RXFP2: variants seen among roughly 807,000 people sequenced by gnomAD.
RXFP2 encodes relaxin receptor 2.
In RXFP2, 68 loss-of-function variants were observed where a neutral mutation model predicts 88.6. That is an observed-to-expected ratio of 0.77 (90% CI 0.63 to 0.94). The LOEUF (loss-of-function observed/expected upper bound fraction) is 0.94, where lower values mean the gene tolerates loss of function less well. Among genes scored for constraint, RXFP2 ranks in the 40% least tolerant of loss-of-function variants. RXFP2 has a pLI of 0.00. For missense variants in RXFP2, 791 were observed against 893.9 expected (o/e 0.88, Z 1.47); for synonymous variants, 329 against 306.8 (o/e 1.07, Z -0.76).
intron 17 of RXFP2, among the ~76,000 whole-genome samples, chr13:31,798,941 C>T (rs1356434396): frequency 6.6e-6 from 1 of 152,180 alleles, no homozygotes; most frequent in East Asian, 1.9e-4. Flanking sequence ...AATCCAGTTG[C>T]TTAAACATCC....
At chr13:31,739,801 G>T in intron 1 of RXFP2, 95 bp downstream of exon 1, 2 of 799,708 alleles carry the variant, frequency 2.5e-6, no homozygotes, top group South Asian at 1.5e-5. Context: ...ATATTGGGGT[G>T]TTTAAAAAAA....
rs185312830 is a variant in RXFP2, at chr13:31,789,197, C to T, written c.1145+4C>T. On this transcript the variant is annotated splice_donor_region_variant and intron_variant, in intron 14 of 17. Transcript: ENST00000298386. Reference sequence around the variant, plus strand: ...CCATGAAGAATCTTTCTCACATGTACGTATGTATAAAAAATGGAGGAGGAA... The same window carrying T: ...CCATGAAGAATCTTTCTCACATGTATGTATGTATAAAAAATGGAGGAGGAA... 64 of 1,573,462 alleles carry T rather than the reference C, an allele frequency of 4.1e-5. No homozygotes were observed. In the African/African-American group the frequency reaches 4.3e-4, roughly 11 times the overall value.
intron 16 of RXFP2, among the ~76,000 whole-genome samples, chr13:31,793,958 C>T (rs1873910759): frequency 6.6e-6 from 1 of 152,134 alleles, no homozygotes. Context: ...GTCTCGTAAC[C>T]TCTGGGACCT....
rs534097355 is a variant in RXFP2 at position 31,758,149 on chromosome 13, A to G, written c.95-109A>G. Reference sequence around the variant, plus strand: ...TATTCAAAGAAACTGTGCACTAAGAATAATACCAGATGAACTCAACTCATA... The same window carrying G: ...TATTCAAAGAAACTGTGCACTAAGAGTAATACCAGATGAACTCAACTCATA... On this transcript the variant is annotated intron_variant, in intron 1 of 17. Transcript: ENST00000298386. 41 of 1,077,816 alleles carry G rather than the reference A, an allele frequency of 3.8e-5. No homozygotes were observed. The East Asian group carries it at 9.5e-4, about 25-fold the overall frequency. The allele number at this position is 1,077,816 out of a possible 1,614,324, so 66.8% of individuals were successfully genotyped here.
intron 7 of RXFP2, 116 bp downstream of exon 7, chr13:31,775,505 T>A (rs1872908535): frequency 1.2e-6 from 1 of 817,830 alleles, no homozygotes; most frequent in African/African-American, 1.7e-5. Flanking sequence ...GCTTTTCTGA[T>A]TATCATATAA....
At chr13:31,783,641 A>G (rs939553351) in intron 11 of RXFP2, among the ~76,000 whole-genome samples, 2 of 152,228 alleles carry the variant, frequency 1.3e-5, no homozygotes, top group Non-Finnish European at 2.9e-5. Flanking sequence ...CTGCATTAGA[A>G]CTGAAAGTAT....
chr13:31,748,225 G>T (rs928715294), intron 1 of RXFP2, among the ~76,000 whole-genome samples: 1 of 152,182 alleles, frequency 6.6e-6, no homozygotes, highest in Non-Finnish European at 1.5e-5. Context: ...ACATGTGCAT[G>T]AATTTCTATG....
intron 16 of RXFP2, among the ~76,000 whole-genome samples, chr13:31,794,179 A>G (rs920761577): frequency 3.9e-5 from 6 of 152,180 alleles, no homozygotes; most frequent in Admixed American, 6.5e-5. Flanking sequence ...TCTGAAAAAC[A>G]GAACATTTAG....
intron 17 of RXFP2, among the ~76,000 whole-genome samples, chr13:31,801,592 T>G (rs1226894700): frequency 1.3e-5 from 2 of 152,186 alleles, no homozygotes; most frequent in Non-Finnish European, 2.9e-5. Flanking sequence ...CTGAATATTC[T>G]ATTAGCATTT....
intron 1 of RXFP2, among the ~76,000 whole-genome samples, chr13:31,749,927 C>G (rs1871590910): frequency 6.6e-6 from 1 of 152,174 alleles, no homozygotes; most frequent in African/African-American, 2.4e-5. Flanking sequence ...TAGTGGACAT[C>G]ATCAGTCTCA....
chr13:31,743,706 C>T (rs1279693591), intron 1 of RXFP2, among the ~76,000 whole-genome samples: 1 of 151,714 alleles, frequency 6.6e-6, no homozygotes, highest in Non-Finnish European at 1.5e-5. Context: ...GTCTCAGATG[C>T]TCTCCCGGCC....
intron 2 of RXFP2, among the ~76,000 whole-genome samples, chr13:31,761,153 T>C (rs369616236): frequency 7.2e-5 from 11 of 152,056 alleles, no homozygotes; most frequent in African/African-American, 2.4e-4. Context: ...AGGGTCTCCC[T>C]ATGTTTCCCA....
chr13:31,782,242 G>T (rs925472820), intron 10 of RXFP2, among the ~76,000 whole-genome samples: 2 of 152,120 alleles, frequency 1.3e-5, no homozygotes, highest in African/African-American at 2.4e-5. Context: ...GGGGCGGGAA[G>T]GCAGATGGTT....
At chr13:31,765,625 C>A (rs1167392621) in intron 4 of RXFP2, among the ~76,000 whole-genome samples, 1 of 152,054 alleles carries the variant, frequency 6.6e-6, no homozygotes, top group Admixed American at 6.6e-5. Flanking sequence ...ATCATTTGGG[C>A]ATGCATGAGT....
intron 1 of RXFP2, among the ~76,000 whole-genome samples, chr13:31,746,774 T>C (rs1344964613): frequency 1.3e-5 from 2 of 152,232 alleles, no homozygotes; most frequent in Non-Finnish European, 2.9e-5. Context: ...AAATAATATA[T>C]CTATTGCTGT....
intron 1 of RXFP2, among the ~76,000 whole-genome samples, chr13:31,747,875 T>G (rs1319004563): frequency 6.6e-6 from 1 of 152,200 alleles, no homozygotes; most frequent in Non-Finnish European, 1.5e-5. Context: ...CAAAAATGAC[T>G]TCTGAGATGA....
At chr13:31,774,795 G>A in intron 6 of RXFP2, 104 bp downstream of exon 6, 1 of 746,188 alleles carries the variant, frequency 1.3e-6, no homozygotes, top group Non-Finnish European at 2.5e-6. Context: ...GAAGTGGGAG[G>A]AATAGGTTAT....
At chr13:31,794,366 CACCACACA>C (rs1447800250) in intron 16 of RXFP2, among the ~76,000 whole-genome samples, 3 of 78,664 alleles carry the variant, frequency 3.8e-5, no homozygotes, top group East Asian at 4.0e-4. Flanking sequence ...CTGAAACACA[CACCACACA>C]CACACACACA....
At chr13:31,764,325 C>T (rs1302406084) in intron 3 of RXFP2, among the ~76,000 whole-genome samples, 1 of 151,494 alleles carries the variant, frequency 6.6e-6, no homozygotes, top group African/African-American at 2.4e-5. Flanking sequence ...CCTGGCTTCT[C>T]CTTAGATTTC....
Sources: allele counts gnomAD v4.1 joint callset (sites outside exome capture counted in the v4.1 genomes callset), GRCh38; gene constraint gnomAD v4.1.1; transcripts MANE v1.5; gene names NCBI Gene and HGNC (gene_info 2026-07-23, HGNC 2026-07-21).